Variants in RALGAPB observed in about 807,000 individuals in gnomAD.
The protein encoded by RALGAPB is Ral GTPase activating protein non-catalytic subunit beta.
RALGAPB carries 25 observed loss-of-function variants against 161.1 expected under a neutral mutation model. The observed-to-expected ratio is 0.16, with a 90% CI of 0.11 to 0.22. The LOEUF is 0.22. RALGAPB is among the 10% of genes least tolerant of loss of function. The pLI, the probability that RALGAPB is intolerant of heterozygous loss-of-function variation, is 1.00. For missense variants in RALGAPB, 1,391 were observed against 1,815.2 expected, an observed-to-expected ratio of 0.77 and a Z score of 4.25; for synonymous variants, 629 against 626.1, an observed-to-expected ratio of 1.00 and a Z score of -0.07.
At position 38,574,291 on chromosome 20, in the gene RALGAPB, A is replaced by G. The variant is rs779433126; in HGVS notation, c.4284A>G (p.Arg1428=). 5 of 1,609,924 alleles carry G rather than the reference A, an allele frequency of 3.1e-6. No homozygotes were observed. The Admixed American group carries it at 6.8e-5, about 22-fold the overall frequency. Residue 1428 remains arginine, a synonymous_variant, in exon 29 of 30, where the codon CGA becomes CGG. Coordinates refer to ENST00000262879, the MANE Select transcript of RALGAPB (RefSeq NM_020336.4). ...PLVDGMIVSR[R]ALGFLVRQTV... ...TGGATGGGATGATTGTCAGCAGGCG[A>G]GCTCTTGGTAAGGTCTTCATATGTG...
rs1216531844 is a variant in RALGAPB at position 38,578,071 on chromosome 20, A to G, written c.*3104A>G. The G allele has an allele frequency of 6.6e-6, 1 of 151,980 alleles. No homozygotes were observed. Among genetic ancestry groups the G allele is most frequent in the East Asian group, 1.9e-4 (1 of 5,204 alleles). 9.4% of individuals were successfully genotyped at this position (151,980 alleles called of 1,614,324 possible). ...AAAATAAATAAATAAATAAATAATA[A>G]AAAAAGAAACATGTATTGGAGGTAA... is the stretch of plus-strand genomic sequence containing the variant. On this transcript the variant is annotated 3_prime_UTR_variant, in exon 30 of 30. Transcript: ENST00000262879.
chr20:38,552,147 T>G (rs1285110154), intron 21 of RALGAPB, among the ~76,000 whole-genome samples: 1 of 151,398 alleles, frequency 6.6e-6, no homozygotes, highest in Non-Finnish European at 1.5e-5. Flanking sequence ...CTGATTTTTT[T>G]TTTTTTTTCT....
chr20:38,513,095 C>T (rs1463991758), intron 6 of RALGAPB, among the ~76,000 whole-genome samples: 7 of 151,792 alleles, frequency 4.6e-5, no homozygotes, highest in Admixed American at 2.6e-4. Context: ...AGGCCAGGCA[C>T]GGTGGCTCAC....
rs1215247707 is a variant in RALGAPB at position 38,548,077 on chromosome 20, G to A, written c.2903-612G>A. The A allele has an allele frequency of 5.3e-5, 8 of 152,272 alleles. No individual in the cohort carries two copies. The East Asian group carries it at 7.7e-4, about 15-fold the overall frequency. 9.4% of individuals were successfully genotyped at this position (152,272 alleles called of 1,614,324 possible). The stretch of plus-strand genomic sequence containing the variant: ...AGAAATTATAGAGAAGTTTGAAGGC[G>A]TTTGACTCCCATATCTGAGACGGAA... On this transcript the variant is annotated intron_variant, in intron 19 of 29. Transcript: ENST00000262879.
chr20:38,521,776 T>C lies in RALGAPB; in HGVS notation c.1619+78T>C, dbSNP rs898102371. On this transcript the variant is annotated intron_variant, in intron 10 of 29. Coordinates refer to ENST00000262879, the MANE Select transcript of RALGAPB (RefSeq NM_020336.4). ...ATTGTTGGTTGGCCGACTGAACCGA[T>C]GAGTGATGTTGGTCTGAAATACCTA... The C allele has an allele frequency of 3.5e-6, 5 of 1,433,326 alleles. No individual in the cohort carries two copies. In the African/African-American group the frequency reaches 7.1e-5, roughly 20 times the overall value. 88.8% of individuals were successfully genotyped at this position (1,433,326 alleles called of 1,614,324 possible).
Position 38,575,039 on chromosome 20 carries a change from TC to T in RALGAPB, c.*73del. 7.9e-7 allele frequency: 1 copy of T among 1,270,776 alleles called. No homozygotes were observed. Among genetic ancestry groups the T allele is most frequent in the East Asian group, 2.3e-5 (1 of 43,158 alleles). 78.7% of individuals were successfully genotyped at this position (1,270,776 alleles called of 1,614,324 possible). A position where few individuals can be genotyped will look rare whatever the true frequency, so the allele number is the denominator to read the frequency against. ...CACAGCAGAACAGTTTGATAGGTGATCACTGTAAAAATAAAAACAAATCACT... is the reference window on the plus strand; with the variant it reads ...CACAGCAGAACAGTTTGATAGGTGATACTGTAAAAATAAAAACAAATCACT... On this transcript the variant is annotated 3_prime_UTR_variant, in exon 30 of 30. Coordinates refer to ENST00000262879, the MANE Select transcript of RALGAPB (RefSeq NM_020336.4).
chr20:38,525,424 G>A lies in RALGAPB; in HGVS notation c.1808G>A (p.Ser603Asn). Residue 603 changes from serine (S) to asparagine (N), a missense_variant, in exon 12 of 30, where the codon AGC becomes AAC. Physicochemically the swap from Ser to Asn is conservative, Grantham distance 46. This residue lies in a region of RALGAPB where 946 missense variants were observed against 1,257.2 expected (regional missense o/e 0.75). Coordinates refer to ENST00000262879, the MANE Select transcript of RALGAPB (RefSeq NM_020336.4). The part of the protein sequence containing the change: ...LPDRELSKFK[S>N]YVNPTELRRS... ...GGCAGAGAACTCTCAAAATTCAAAA[G>A]CTATGTAAATCCAACAGAATTGCGA... is the stretch of plus-strand genomic sequence containing the variant. 1 of 1,594,050 alleles carries A rather than the reference G, an allele frequency of 6.3e-7. No individual in the cohort carries two copies. Among genetic ancestry groups the A allele is most frequent in the Non-Finnish European group, 8.5e-7 (1 of 1,173,694 alleles).
rs1018958078 is a variant in RALGAPB, at chr20:38,472,846, C to T, written c.-254C>T. On this transcript the variant is annotated 5_prime_UTR_variant, in exon 1 of 30. Coordinates refer to ENST00000262879, the MANE Select transcript of RALGAPB (RefSeq NM_020336.4). ...ATTTGACGCCGCCGCCCCTGGCAGT[C>T]GGAAGTTGCCTGAGCAGATCCCAGC... The T allele has an allele frequency of 1.3e-5, 5 of 398,926 alleles. No individual in the cohort carries two copies. Among genetic ancestry groups the T allele is most frequent in the African/African-American group, 2.1e-5 (1 of 48,642 alleles). 24.7% of individuals were successfully genotyped at this position (398,926 alleles called of 1,614,324 possible).
intron 22 of RALGAPB, 23 bp from the exon 23 acceptor site, chr20:38,558,272 C>A: frequency 6.8e-7 from 1 of 1,470,932 alleles, no homozygotes; most frequent in Non-Finnish European, 9.1e-7. Context: ...GTAATAATTG[C>A]TCCTTTCTTC....
At chr20:38,555,434 A>AT (rs1267677620) in intron 22 of RALGAPB, among the ~76,000 whole-genome samples, 1 of 152,228 alleles carries the variant, frequency 6.6e-6, no homozygotes, top group Non-Finnish European at 1.5e-5. Flanking sequence ...GCATATGAAC[A>AT]TAAAAACTTA....
chr20:38,532,931 C>T lies in RALGAPB; in HGVS notation c.2245+72C>T, dbSNP rs2086700589. 15 of 1,467,794 alleles carry T rather than the reference C, an allele frequency of 1.0e-5. No individual in the cohort carries two copies. In the South Asian group the frequency reaches 1.7e-4, roughly 17 times the overall value. The allele number at this position is 1,467,794 out of a possible 1,614,324, so 90.9% of individuals were successfully genotyped here. A position where few individuals can be genotyped will look rare whatever the true frequency, so the allele number is the denominator to read the frequency against. On this transcript the variant is annotated intron_variant, in intron 15 of 29. Coordinates refer to ENST00000262879, the MANE Select transcript of RALGAPB (RefSeq NM_020336.4). Reference sequence around the variant, plus strand: ...AATGCTTACATTTATAAAACAAAAACATTAAAAATGTTAATGTTCATGTTT... The same window carrying T: ...AATGCTTACATTTATAAAACAAAAATATTAAAAATGTTAATGTTCATGTTT...
chr20:38,532,181 G>A (rs866913746), intron 14 of RALGAPB, among the ~76,000 whole-genome samples: 2 of 152,016 alleles, frequency 1.3e-5, no homozygotes, highest in African/African-American at 2.4e-5. Flanking sequence ...TCAGCCTCCC[G>A]AGTAGCTGGG....
At chr20:38,511,411 T>A (rs886648642) in intron 6 of RALGAPB, among the ~76,000 whole-genome samples, 1 of 151,388 alleles carries the variant, frequency 6.6e-6, no homozygotes, top group Non-Finnish European at 1.5e-5. Flanking sequence ...AGGACAATAG[T>A]GGAGGGAAGG....
intron 1 of RALGAPB, among the ~76,000 whole-genome samples, chr20:38,476,872 G>A (rs1196783283): frequency 6.6e-6 from 1 of 152,184 alleles, no homozygotes; most frequent in Non-Finnish European, 1.5e-5. Context: ...CAATGGTTAT[G>A]TGGATAATCA....
At chr20:38,482,806 C>A (rs1189582247) in intron 1 of RALGAPB, among the ~76,000 whole-genome samples, 2 of 152,156 alleles carry the variant, frequency 1.3e-5, no homozygotes, top group African/African-American at 4.8e-5. Flanking sequence ...CTTACATGGA[C>A]AAGGGCATGT....
chr20:38,484,143 A>G (rs1321874823), intron 1 of RALGAPB, among the ~76,000 whole-genome samples: 5 of 152,106 alleles, frequency 3.3e-5, no homozygotes, highest in Admixed American at 6.5e-5. Context: ...GCGCTATTGC[A>G]CTCCAGCCTG....
intron 21 of RALGAPB, among the ~76,000 whole-genome samples, chr20:38,553,595 A>T (rs1319741820): frequency 6.6e-6 from 1 of 152,138 alleles, no homozygotes; most frequent in Non-Finnish European, 1.5e-5. Context: ...AATGTTGATC[A>T]CTGAAAATTA....
In RALGAPB at chr20:38,497,492, C is replaced by A. The variant is rs868806328; in HGVS notation, c.529C>A (p.Leu177Ile). ...GTTTCTTCTGCAGATTAACGACATACTTCTGGCCCCACCAACTGTTCAAGG... is the reference window on the plus strand; with the variant it reads ...GTTTCTTCTGCAGATTAACGACATAATTCTGGCCCCACCAACTGTTCAAGG... ...LLFLLQINDI[L>I]LAPPTVQGGI... The change falls in exon 4 of 30, where the codon CTT becomes ATT. Residue 177 changes from leucine (L) to isoleucine (I), a missense_variant. Leu to Ile is a conservative substitution (Grantham distance 5). This residue lies in a region of RALGAPB where 946 missense variants were observed against 1,257.2 expected (regional missense o/e 0.75). Transcript: ENST00000262879. 8 of 1,613,420 alleles carry A rather than the reference C, an allele frequency of 5.0e-6. 1 individual carries two copies. The Middle Eastern group carries it at 1.3e-3, about 267-fold the overall frequency.
chr20:38,556,742 AAAG>A (rs2145463985), intron 22 of RALGAPB, among the ~76,000 whole-genome samples: 1 of 152,294 alleles, frequency 6.6e-6, no homozygotes, highest in East Asian at 1.9e-4. Context: ...TTTAAAAAAA[AAAG>A]AAGAATGGGG....
Sources: gnomAD v4.1 joint callset for allele counts (sites outside exome capture counted in the v4.1 genomes callset) on GRCh38, gnomAD v4.1.1 for gene constraint, gnomAD v4.1.1 regional missense constraint, MANE v1.5 for transcripts, NCBI Gene and HGNC (gene_info 2026-07-23, HGNC 2026-07-21) for gene names.